Variants in VAV3 observed in about 807,000 individuals in gnomAD.
VAV3 encodes vav guanine nucleotide exchange factor 3, also known as guanine nucleotide exchange factor VAV3.
Under a neutral mutation model 131.2 loss-of-function variants are expected in VAV3, and 94 were observed. The observed-to-expected ratio is 0.72, with a 90% CI of 0.61 to 0.85. The LOEUF (loss-of-function observed/expected upper bound fraction) is 0.85, where lower values mean the gene tolerates loss of function less well. Ranked by LOEUF, VAV3 falls within the 40% of genes least tolerant of loss-of-function variation. The pLI is 0.00. For synonymous variants in VAV3, 349 were observed against 342.0 expected (o/e 1.02, Z -0.22); for missense variants, 939 against 1,002.7 (o/e 0.94, Z 0.86).
chr1:107,586,508 G>A (rs1287295343), intron 25 of VAV3, among the ~76,000 whole-genome samples: 2 of 152,156 alleles, frequency 1.3e-5, no homozygotes, highest in Non-Finnish European at 2.9e-5. Flanking sequence ...GAAATTAACT[G>A]TTGAAGAATG....
At chr1:107,813,760 C>T (rs1328653062) in intron 2 of VAV3, among the ~76,000 whole-genome samples, 1 of 152,096 alleles carries the variant, frequency 6.6e-6, no homozygotes, top group African/African-American at 2.4e-5. Flanking sequence ...ACCCCCACCC[C>T]CTATACACCA....
At chr1:107,636,162 A>G (rs1570657441) in intron 20 of VAV3, among the ~76,000 whole-genome samples, 2 of 152,236 alleles carry the variant, frequency 1.3e-5, no homozygotes, top group Admixed American at 1.3e-4. Flanking sequence ...ACAAGAAATT[A>G]TGGAATTGCA....
chr1:107,626,663 A>G (rs953611545), intron 20 of VAV3, among the ~76,000 whole-genome samples: 3 of 152,134 alleles, frequency 2.0e-5, no homozygotes, highest in Non-Finnish European at 4.4e-5. Flanking sequence ...AAGCTCCAAC[A>G]CTGCCTTAAA....
intron 2 of VAV3, among the ~76,000 whole-genome samples, chr1:107,869,896 T>C (rs1222184806): frequency 6.6e-6 from 1 of 152,206 alleles, no homozygotes; most frequent in Non-Finnish European, 1.5e-5. Context: ...ACACACAATG[T>C]TTGATTTTCC....
chr1:107,854,519 A>G (rs956577587), intron 2 of VAV3, among the ~76,000 whole-genome samples: 10 of 152,192 alleles, frequency 6.6e-5, no homozygotes, highest in African/African-American at 2.4e-4. Flanking sequence ...AATATATTAG[A>G]TAACTTCATT....
intron 15 of VAV3, among the ~76,000 whole-genome samples, chr1:107,708,549 T>A (rs968249242): frequency 6.6e-6 from 1 of 152,180 alleles, no homozygotes; most frequent in African/African-American, 2.4e-5. Flanking sequence ...TAGCTTTACA[T>A]GCTGTCCTTA....
In VAV3 at chr1:107,688,231, T is replaced by C. The variant is rs55830758; in HGVS notation, c.1731+150A>G. On this transcript the variant is annotated intron_variant, in intron 18 of 26. Transcript: ENST00000370056. ...CCTTGGATTTAACTTTTGCATTTTG[T>C]TCACAATCACTTGGTTGTTCCCTCT... is the stretch of plus-strand genomic sequence containing the variant. 756 of 1,017,068 alleles carry C rather than the reference T, an allele frequency of 7.4e-4. 1 individual carries two copies. The highest frequency in any genetic ancestry group is 1.8e-3 in the Admixed American group (60 of 33,926). 63.0% of individuals were successfully genotyped at this position (1,017,068 alleles called of 1,614,324 possible). A position where few individuals can be genotyped will look rare whatever the true frequency, so the allele number is the denominator to read the frequency against.
At chr1:107,962,186 G>A (rs529649936) in intron 1 of VAV3, among the ~76,000 whole-genome samples, 1 of 152,296 alleles carries the variant, frequency 6.6e-6, no homozygotes, top group South Asian at 2.1e-4. Context: ...ACGACTCTCA[G>A]ACATACCAAA....
chr1:107,614,606 G>C (rs1311041859), intron 21 of VAV3, among the ~76,000 whole-genome samples: 2 of 151,900 alleles, frequency 1.3e-5, no homozygotes, highest in South Asian at 4.2e-4. Flanking sequence ...TAAAATTTCT[G>C]AACATATTTC....
At chr1:107,741,240 G>A (rs1470896607) in intron 15 of VAV3, among the ~76,000 whole-genome samples, 2 of 152,162 alleles carry the variant, frequency 1.3e-5, no homozygotes, top group Non-Finnish European at 2.9e-5. Flanking sequence ...ATAGAAACAT[G>A]GGTCTTTCAA....
At chr1:107,903,172 A>T (rs12083204) in intron 1 of VAV3, among the ~76,000 whole-genome samples, 24,175 of 151,980 alleles carry the variant, frequency 0.16, 2,023 homozygotes, top group South Asian at 0.22. Flanking sequence ...TTAATTTTTT[A>T]AAAAAATCTG....
At chr1:107,776,611 C>T (rs542537427) in intron 4 of VAV3, among the ~76,000 whole-genome samples, 82 of 152,348 alleles carry the variant, frequency 5.4e-4, no homozygotes, top group Middle Eastern at 3.4e-3. Context: ...GCATTTGAAT[C>T]TGTCTTGGGG....
At chr1:107,874,634 C>T (rs1194650297) in intron 2 of VAV3, among the ~76,000 whole-genome samples, 1 of 152,062 alleles carries the variant, frequency 6.6e-6, no homozygotes, top group Non-Finnish European at 1.5e-5. Context: ...AAGATTCCCT[C>T]CCTGTATACT....
At chr1:107,933,284 GT>G (rs72392700) in intron 1 of VAV3, among the ~76,000 whole-genome samples, 97 of 143,620 alleles carry the variant, frequency 6.8e-4, no homozygotes, top group South Asian at 1.1e-3. Context: ...GTTTTTTTGT[GT>G]TTTTTTTTTT....
At chr1:107,825,250 G>T (rs1008463384) in intron 2 of VAV3, among the ~76,000 whole-genome samples, 18 of 152,158 alleles carry the variant, frequency 1.2e-4, no homozygotes, top group African/African-American at 4.3e-4. Context: ...ATACAGATAG[G>T]TTGGTCTAAA....
chr1:107,773,283 C>T (rs1437251868), intron 4 of VAV3, among the ~76,000 whole-genome samples: 1 of 152,206 alleles, frequency 6.6e-6, no homozygotes, highest in African/African-American at 2.4e-5. Flanking sequence ...GTTTTACCCA[C>T]TCTATCATAC....
intron 2 of VAV3, among the ~76,000 whole-genome samples, chr1:107,837,580 A>G (rs960055807): frequency 1.3e-5 from 2 of 152,156 alleles, no homozygotes; most frequent in Non-Finnish European, 2.9e-5. Context: ...AAATAGCCAA[A>G]GCAATCTTAA....
At chr1:107,685,546 A>C (rs1658956802) in intron 18 of VAV3, among the ~76,000 whole-genome samples, 1 of 152,150 alleles carries the variant, frequency 6.6e-6, no homozygotes, top group African/African-American at 2.4e-5. Context: ...TTCCTCCTGA[A>C]AATCCACTGA....
chr1:107,764,607 A>G (rs1398003767), intron 9 of VAV3, among the ~76,000 whole-genome samples: 2 of 151,898 alleles, frequency 1.3e-5, no homozygotes, highest in Non-Finnish European at 2.9e-5. Flanking sequence ...GCAGCTTCAA[A>G]CTCTCGGGCT....
Sources: gnomAD v4.1 joint callset for allele counts (sites outside exome capture counted in the v4.1 genomes callset) on GRCh38, gnomAD v4.1.1 for gene constraint, MANE v1.5 for transcripts, NCBI Gene and HGNC (gene_info 2026-07-23, HGNC 2026-07-21) for gene names.